Variants in PTPRG observed in about 807,000 individuals in gnomAD.
PTPRG encodes protein tyrosine phosphatase receptor type G, also known as receptor-type tyrosine-protein phosphatase gamma.
PTPRG carries 102 observed loss-of-function variants against 165.3 expected under a neutral mutation model. The observed-to-expected ratio is 0.62, with a 90% CI of 0.53 to 0.73. The LOEUF (loss-of-function observed/expected upper bound fraction) is 0.73, where lower values mean the gene tolerates loss of function less well. Ranked by LOEUF, PTPRG falls within the 30% of genes least tolerant of loss-of-function variation. The pLI is 0.00. For synonymous variants in PTPRG, 675 were observed against 669.5 expected, an observed-to-expected ratio of 1.01 and a Z score of -0.13; for missense variants, 1,866 against 1,861.4, an observed-to-expected ratio of 1.00 and a Z score of -0.05.
At chr3:61,699,901 A>G (rs188390080) in intron 1 of PTPRG, among the ~76,000 whole-genome samples, 1 of 152,334 alleles carries the variant, frequency 6.6e-6, no homozygotes, top group African/African-American at 2.4e-5. Context: ...TTAAATACAA[A>G]AGGAGACTCA....
intron 4 of PTPRG, among the ~76,000 whole-genome samples, chr3:62,076,341 G>A (rs1559783050): frequency 2.0e-5 from 3 of 152,072 alleles, no homozygotes; most frequent in South Asian, 4.1e-4. Context: ...GTTGAGCATC[G>A]ATGAGGTCTA....
At chr3:61,659,407 G>C in intron 1 of PTPRG, 1 of 985,366 alleles carries the variant, frequency 1.0e-6, no homozygotes, top group African/African-American at 1.7e-5. Context: ...ATAGTTTGAT[G>C]AGGCTGTGTA....
chr3:61,677,400 G>A (rs1031485978), intron 1 of PTPRG, among the ~76,000 whole-genome samples: 9 of 152,210 alleles, frequency 5.9e-5, no homozygotes, highest in African/African-American at 2.2e-4. Context: ...TACATGTGAG[G>A]AAACGAGGCC....
chr3:61,852,293 G>T (rs1252515545), intron 2 of PTPRG, among the ~76,000 whole-genome samples: 1 of 152,060 alleles, frequency 6.6e-6, no homozygotes, highest in African/African-American at 2.4e-5. Flanking sequence ...TCTTTTTATG[G>T]TCAGTTATAA....
chr3:62,284,975 C>G (rs942473215), intron 28 of PTPRG, among the ~76,000 whole-genome samples: 11 of 152,110 alleles, frequency 7.2e-5, no homozygotes, highest in African/African-American at 2.7e-4. Flanking sequence ...ATACACAGTT[C>G]AAAAGTCACT....
At chr3:61,623,405 AGG>A (rs1701516145) in intron 1 of PTPRG, among the ~76,000 whole-genome samples, 1 of 152,216 alleles carries the variant, frequency 6.6e-6, no homozygotes, top group South Asian at 2.1e-4. Flanking sequence ...ATCGGGGGGA[AGG>A]ACCTTGAGGT....
intron 5 of PTPRG, among the ~76,000 whole-genome samples, chr3:62,111,673 T>C (rs1423359495): frequency 2.0e-5 from 3 of 152,166 alleles, no homozygotes; most frequent in Non-Finnish European, 4.4e-5. Flanking sequence ...GGTCTTGAAC[T>C]CCTGGCCTCA....
chr3:61,847,900 T>A (rs2036850511), intron 2 of PTPRG, among the ~76,000 whole-genome samples: 1 of 152,244 alleles, frequency 6.6e-6, no homozygotes, highest in Non-Finnish European at 1.5e-5. Flanking sequence ...TGTTAAACTC[T>A]TACATAATTG....
At chr3:62,079,555 G>A (rs1701496919) in intron 5 of PTPRG, among the ~76,000 whole-genome samples, 1 of 152,182 alleles carries the variant, frequency 6.6e-6, no homozygotes, top group South Asian at 2.1e-4. Flanking sequence ...GGTGTATGCT[G>A]GGTCATGATA....
intron 1 of PTPRG, among the ~76,000 whole-genome samples, chr3:61,634,375 A>AG (rs1230895928): frequency 6.6e-6 from 1 of 151,924 alleles, no homozygotes; most frequent in East Asian, 1.9e-4. Flanking sequence ...AGTAGCTGGG[A>AG]TACAGGTGCC....
At chr3:61,913,802 T>A (rs1340076620) in intron 2 of PTPRG, among the ~76,000 whole-genome samples, 1 of 152,190 alleles carries the variant, frequency 6.6e-6, no homozygotes, top group Admixed American at 6.5e-5. Flanking sequence ...GTGAACATAC[T>A]TGGTTATGTG....
chr3:61,563,087 C>T (rs893616734), intron 1 of PTPRG, among the ~76,000 whole-genome samples: 3 of 151,814 alleles, frequency 2.0e-5, no homozygotes, highest in Non-Finnish European at 4.4e-5. Flanking sequence ...GGCCCTTTCC[C>T]TCCGCTGCTC....
At chr3:61,992,946 C>T (rs1308410895) in intron 3 of PTPRG, among the ~76,000 whole-genome samples, 1 of 152,184 alleles carries the variant, frequency 6.6e-6, no homozygotes, top group Admixed American at 6.5e-5. Flanking sequence ...GGATTACAGG[C>T]ATGAGCCACC....
Position 62,245,731 on chromosome 3 carries a change from G to A in PTPRG, c.2467+1833G>A, listed in dbSNP as rs566434267. Among the ~76,000 whole-genome samples, 4 of 152,190 alleles carry A rather than the reference G, an allele frequency of 2.6e-5. No individual in the cohort carries two copies. Among genetic ancestry groups the A allele is most frequent in the South Asian group, 2.1e-4 (1 of 4,826 alleles). On this transcript the variant is annotated intron_variant, in intron 15 of 29. Coordinates refer to ENST00000474889, the MANE Select transcript of PTPRG (RefSeq NM_002841.4). The surrounding 1 kb of genome is among the most constrained non-coding windows in gnomAD (Gnocchi z 4.2). ...TTGGAAACCATACATTAAGCGAAAC[G>A]TGTAAGCTGTTGCAACTTTCCTTCC...
At chr3:61,788,554 G>T (rs1241937902) in intron 2 of PTPRG, among the ~76,000 whole-genome samples, 1 of 152,152 alleles carries the variant, frequency 6.6e-6, no homozygotes, top group Non-Finnish European at 1.5e-5. Context: ...GTAAATTGAA[G>T]GAATTGCTAA....
At chr3:62,071,545 C>CA (rs1263156812) in intron 4 of PTPRG, among the ~76,000 whole-genome samples, 1 of 152,196 alleles carries the variant, frequency 6.6e-6, no homozygotes, top group Non-Finnish European at 1.5e-5. Flanking sequence ...GTGATACACT[C>CA]AGTCAGCTTT....
In PTPRG at chr3:62,231,228, G is replaced by C; in HGVS notation, c.2292G>C (p.Gly764=). The stretch of plus-strand genomic sequence containing the variant: ...CTTTTGTTTTTTGTCCATTTAGAGG[G>C]TGTAACAAAATAAAGTCCAAGGGCT... ...LLIAVLVYWR[G]CNKIKSKGFP... is the part of the protein sequence containing the mutation. The change falls in exon 14 of 30, where the codon GGG becomes GGC. Residue 764 remains glycine (G), a synonymous_variant. Transcript: ENST00000474889. 1 of 1,571,488 alleles carries C rather than the reference G, an allele frequency of 6.4e-7. No homozygotes were observed. The highest frequency in any genetic ancestry group is 1.2e-5 in the South Asian group (1 of 83,424).
At chr3:61,646,399 A>AC (rs1346378745) in intron 1 of PTPRG, among the ~76,000 whole-genome samples, 35 of 152,240 alleles carry the variant, frequency 2.3e-4, no homozygotes, top group African/African-American at 8.0e-4. Context: ...GGCATGAGCC[A>AC]CCGCTCCTGG....
chr3:61,980,203 T>C (rs2040608246), intron 2 of PTPRG, among the ~76,000 whole-genome samples: 1 of 152,194 alleles, frequency 6.6e-6, no homozygotes. Context: ...TTTGTTTTGC[T>C]CTCTGGGTTG....
Sources: gnomAD v4.1 joint callset for allele counts (sites outside exome capture counted in the v4.1 genomes callset) on GRCh38, gnomAD v4.1.1 for gene constraint, Gnocchi (gnomAD v3.1) non-coding constraint, MANE v1.5 for transcripts, NCBI Gene and HGNC (gene_info 2026-07-23, HGNC 2026-07-21) for gene names.